The following ASTN2 variants were observed in gnomAD, a reference collection of about 807,000 sequenced individuals.
The protein encoded by ASTN2 is astrotactin 2.
Under a neutral mutation model 139.8 loss-of-function variants are expected in ASTN2, and 54 were observed. That is an observed-to-expected ratio of 0.39 (90% CI 0.31 to 0.48). ASTN2 has a LOEUF of 0.48. ASTN2 is among the 20% of genes least tolerant of loss of function. The probability of loss-of-function intolerance (pLI) is 0.95; values close to 1 mark genes in which losing one functional copy is unlikely to be tolerated. For synonymous variants in ASTN2, 756 were observed against 719.5 expected, an observed-to-expected ratio of 1.05 and a Z score of -0.81; for missense variants, 1,565 against 1,725.1, an observed-to-expected ratio of 0.91 and a Z score of 1.64.
chr9:117,253,154 T>G (rs1218275217), intron 2 of ASTN2, among the ~76,000 whole-genome samples: 2 of 152,298 alleles, frequency 1.3e-5, no homozygotes, highest in South Asian at 4.1e-4. Flanking sequence ...CTGAGAGGCA[T>G]GACTGCATCT....
Position 117,052,982 on chromosome 9 carries a change from T to C in ASTN2, c.1277-13017A>G, listed in dbSNP as rs560945915. ...ATGAAGGATTTGGGGATTTTAGCTT[T>C]GAAGCAAGAAAGGCTCAGTCAGAGA... On this transcript the variant is annotated intron_variant, in intron 5 of 22. Transcript: ENST00000313400. 8.5e-5 allele frequency among the ~76,000 whole-genome samples: 13 copies of C among 152,324 alleles called. No individual in the cohort carries two copies. In the South Asian group the frequency reaches 1.7e-3, roughly 19 times the overall value.
At position 116,474,418 on chromosome 9, in the gene ASTN2, T is replaced by TG. The variant is rs139726258; in HGVS notation, c.3497+12940dup. Among the ~76,000 whole-genome samples the TG allele has an allele frequency of 0.014, 2,163 of 152,222 alleles. 217 individuals carry two copies. In the South Asian group the frequency reaches 0.21, roughly 15 times the overall value. ...AAAGTGGAATAGGGTTGTTGGTGGA[T>TG]GGGGGTCTGTCTTTGGAGGAAAGGA... is the stretch of plus-strand genomic sequence containing the variant. On this transcript the variant is annotated intron_variant, in intron 20 of 22. Coordinates refer to ENST00000313400, the MANE Select transcript of ASTN2 (RefSeq NM_001365068.1).
At chr9:116,687,225 CA>C in intron 16 of ASTN2, 1 of 1,004,690 alleles carries the variant, frequency 1.0e-6, no homozygotes, top group Non-Finnish European at 1.2e-6. Flanking sequence ...GGGCCAGCTG[CA>C]CGACAAGCCC....
intron 19 of ASTN2, among the ~76,000 whole-genome samples, chr9:116,567,859 C>G (rs1265420129): frequency 6.6e-6 from 1 of 152,128 alleles, no homozygotes; most frequent in Non-Finnish European, 1.5e-5. Flanking sequence ...CCCAAAATGT[C>G]AAGGTAAGAG....
chr9:116,842,543 C>T (rs1832292706), intron 11 of ASTN2, among the ~76,000 whole-genome samples: 1 of 151,896 alleles, frequency 6.6e-6, no homozygotes, highest in African/African-American at 2.4e-5. Context: ...TCTGCCAGTC[C>T]CCAGTCCCCC....
At chr9:116,558,864 C>T (rs367810164) in intron 19 of ASTN2, among the ~76,000 whole-genome samples, 10 of 152,186 alleles carry the variant, frequency 6.6e-5, no homozygotes, top group South Asian at 2.1e-4. Context: ...GATGTGATAA[C>T]GAAATAAATT....
At chr9:116,450,378 C>T (rs558779692) in intron 20 of ASTN2, among the ~76,000 whole-genome samples, 1 of 152,306 alleles carries the variant, frequency 6.6e-6, no homozygotes, top group South Asian at 2.1e-4. Flanking sequence ...CATTTGCTTA[C>T]ATTATTTCAT....
rs184554054 is a variant in ASTN2 at position 117,052,268 on chromosome 9, G to A, written c.1277-12303C>T. 6.0e-3 allele frequency among the ~76,000 whole-genome samples: 909 copies of A among 151,240 alleles called. 9 individuals are homozygous for A. Among genetic ancestry groups the A allele is most frequent in the South Asian group, 0.021 (99 of 4,822 alleles). ...GTCCTGGCTAACGTGGTGAAACCCC[G>A]TCTTTACTAAAAATACAAAAAATTA... On this transcript the variant is annotated intron_variant, in intron 5 of 22. Transcript: ENST00000313400.
chr9:116,504,809 T>G (rs1335560737), intron 19 of ASTN2, among the ~76,000 whole-genome samples: 13 of 146,972 alleles, frequency 8.8e-5, no homozygotes, highest in Admixed American at 8.3e-4. Flanking sequence ...GGTGGGAGGA[T>G]CACTTGAGCC....
At chr9:116,916,980 C>T (rs113093072) in intron 10 of ASTN2, among the ~76,000 whole-genome samples, 5 of 152,112 alleles carry the variant, frequency 3.3e-5, no homozygotes, top group African/African-American at 1.2e-4. Flanking sequence ...CTGGAAAAAC[C>T]CTCTATGGAG....
intron 19 of ASTN2, among the ~76,000 whole-genome samples, chr9:116,491,610 T>C (rs988641418): frequency 1.5e-4 from 23 of 152,224 alleles, no homozygotes; most frequent in African/African-American, 5.3e-4. Context: ...AACTGTAAGA[T>C]AGCTTTTTTT....
chr9:116,435,165 C>G (rs530428531), intron 22 of ASTN2, among the ~76,000 whole-genome samples: 1 of 152,258 alleles, frequency 6.6e-6, no homozygotes, highest in Non-Finnish European at 1.5e-5. Context: ...GGCTTCCCAG[C>G]TGGAAGAGAC....
chr9:116,717,286 C>T (rs762629225), intron 16 of ASTN2, among the ~76,000 whole-genome samples: 2 of 88,782 alleles, frequency 2.3e-5, no homozygotes, highest in African/African-American at 9.7e-5. Context: ...CAATCTAAAC[C>T]GGGGAACAAA....
At chr9:117,403,244 T>A (rs1464456594) in intron 1 of ASTN2, among the ~76,000 whole-genome samples, 1 of 152,186 alleles carries the variant, frequency 6.6e-6, no homozygotes, top group East Asian at 1.9e-4. Context: ...CTGGGAACTC[T>A]TCCACCTACA....
intron 10 of ASTN2, among the ~76,000 whole-genome samples, chr9:116,970,857 T>C (rs549590597): frequency 2.0e-5 from 3 of 152,320 alleles, no homozygotes; most frequent in Non-Finnish European, 4.4e-5. Context: ...AAGCTGAGCT[T>C]TGTGGGTGAT....
Position 116,697,753 on chromosome 9 carries a change from C to T in ASTN2, c.2806+28018G>A, listed in dbSNP as rs1013969321. 1.9e-6 allele frequency: 3 copies of T among 1,614,056 alleles called. No homozygotes were observed. The highest frequency in any genetic ancestry group is 1.3e-5 in the African/African-American group (1 of 75,054). Reference sequence around the variant, plus strand: ...TTCAAAGGAAGAGCAATGGCTGCAGCAGCAGCTTCTCACCTGAACCTGGAT... The same window carrying T: ...TTCAAAGGAAGAGCAATGGCTGCAGTAGCAGCTTCTCACCTGAACCTGGAT... On this transcript the variant is annotated intron_variant, in intron 16 of 22. Transcript: ENST00000313400.
intron 19 of ASTN2, among the ~76,000 whole-genome samples, chr9:116,614,023 CAA>C (rs1855699267): frequency 6.6e-6 from 1 of 152,170 alleles, no homozygotes; most frequent in Non-Finnish European, 1.5e-5. Context: ...GCAACTTCAG[CAA>C]AGTCTCAGGA....
chr9:116,541,247 T>G (rs560970206), intron 19 of ASTN2, among the ~76,000 whole-genome samples: 1 of 152,186 alleles, frequency 6.6e-6, no homozygotes, highest in Non-Finnish European at 1.5e-5. Flanking sequence ...AGTAGGAAAT[T>G]TAGGCGGGAA....
intron 2 of ASTN2, among the ~76,000 whole-genome samples, chr9:117,260,303 TA>T (rs914623527): frequency 1.1e-4 from 17 of 152,176 alleles, no homozygotes; most frequent in African/African-American, 4.1e-4. Flanking sequence ...GCAAAAGGGT[TA>T]TTATTAATTA....
Sources: gnomAD v4.1 joint callset for allele counts (sites outside exome capture counted in the v4.1 genomes callset) on GRCh38, gnomAD v4.1.1 for gene constraint, MANE v1.5 for transcripts, NCBI Gene and HGNC (gene_info 2026-07-23, HGNC 2026-07-21) for gene names.